The following CDC42BPA variants were observed in gnomAD, a reference collection of about 807,000 sequenced individuals.
CDC42BPA encodes the protein serine/threonine-protein kinase MRCK alpha.
A neutral mutation model predicts 223.5 loss-of-function variants in CDC42BPA; 80 were observed. That is an observed-to-expected ratio of 0.36 (90% CI 0.30 to 0.43). CDC42BPA has a LOEUF of 0.43. Ranked by LOEUF, CDC42BPA falls within the 20% of genes least tolerant of loss-of-function variation. The pLI, the probability that CDC42BPA is intolerant of heterozygous loss-of-function variation, is 1.00. For synonymous variants in CDC42BPA, 694 were observed against 718.6 expected, an observed-to-expected ratio of 0.97 and a Z score of 0.55; for missense variants, 1,743 against 2,099.9, an observed-to-expected ratio of 0.83 and a Z score of 3.32.
intron 2 of CDC42BPA, among the ~76,000 whole-genome samples, chr1:227,230,090 T>C (rs1014988149): frequency 6.6e-6 from 1 of 152,230 alleles, no homozygotes; most frequent in Admixed American, 6.5e-5. Context: ...TACTCTTTAC[T>C]GAAACCTGAA....
chr1:227,039,466 A>G (rs1430392630), intron 24 of CDC42BPA, among the ~76,000 whole-genome samples: 2 of 152,218 alleles, frequency 1.3e-5, no homozygotes, highest in Non-Finnish European at 2.9e-5. Context: ...TTAAAAAAAT[A>G]TATGTTCCAT....
At chr1:227,204,277 T>C (rs1387670616) in intron 3 of CDC42BPA, among the ~76,000 whole-genome samples, 1 of 152,230 alleles carries the variant, frequency 6.6e-6, no homozygotes, top group Admixed American at 6.5e-5. Flanking sequence ...ACATGAGATG[T>C]ATCATTTTTA....
At chr1:227,197,124 A>T (rs1350806311) in intron 4 of CDC42BPA, among the ~76,000 whole-genome samples, 2 of 152,220 alleles carry the variant, frequency 1.3e-5, no homozygotes, top group Non-Finnish European at 2.9e-5. Context: ...TATTTGCCAC[A>T]GCTTTCTAGA....
Position 227,047,943 on chromosome 1 carries a change from G to T in CDC42BPA, c.3077C>A (p.Thr1026Asn). The T allele has an allele frequency of 6.2e-7, 1 of 1,608,284 alleles. No individual in the cohort carries two copies. The highest frequency in any genetic ancestry group is 8.5e-7 in the Non-Finnish European group (1 of 1,175,226). ...ATTGAGTACCTTAGGTGGAAAGCCA[G>T]TTGAACCAGGACATCCTTTTTTCCT... ...TLRKKGCPGSTGFPPKRKTHQ... is the reference protein window; with the variant it reads ...TLRKKGCPGSNGFPPKRKTHQ... The change falls in exon 23 of 37, where the codon ACT becomes AAT. Residue 1026 changes from threonine to asparagine, a missense_variant. By Grantham distance (65) the Thr-to-Asn change is moderately conservative (BLOSUM62 0). This residue lies in a region of CDC42BPA where 678 missense variants were observed against 777.5 expected (regional missense o/e 0.87). Transcript: ENST00000366766.
intron 20 of CDC42BPA, 145 bp downstream of exon 20, chr1:227,072,063 T>C (rs1414293174): frequency 4.1e-6 from 2 of 486,488 alleles, no homozygotes; most frequent in African/African-American, 2.0e-5. Flanking sequence ...ATGCATCATA[T>C]ATACACACGT....
intron 6 of CDC42BPA, among the ~76,000 whole-genome samples, chr1:227,151,196 CTT>C (rs1158363104): frequency 6.6e-6 from 1 of 152,098 alleles, no homozygotes; most frequent in African/African-American, 2.4e-5. Flanking sequence ...CACCATTGTA[CTT>C]TGTTTCTTTG....
rs545848620 is a variant in CDC42BPA at position 227,175,878 on chromosome 1, C to A, written c.600-15242G>T. ...GGAAATCGTATGTGAGGACGATAAT[C>A]TGTCAATAGGGATGCTCACTGCTAC... On this transcript the variant is annotated intron_variant, in intron 5 of 36. Transcript: ENST00000366766. Among the ~76,000 whole-genome samples the A allele has an allele frequency of 2.0e-4, 30 of 152,296 alleles. No individual in the cohort carries two copies. The South Asian group carries it at 6.2e-3, about 32-fold the overall frequency.
chr1:227,007,078 G>GA (rs548153213), intron 34 of CDC42BPA, among the ~76,000 whole-genome samples: 141 of 151,854 alleles, frequency 9.3e-4, no homozygotes, highest in Non-Finnish European at 1.4e-3. Flanking sequence ...GAAATGCAAT[G>GA]AAAAAAAATC....
In CDC42BPA at chr1:226,993,705, A is replaced by C. The variant is rs973898017; in HGVS notation, c.*563T>G. Reference sequence around the variant, plus strand: ...CAAGAGGCTCCTTTTAAATATATACATTCAGTACTTCTACATTTATGTATT... The same window carrying C: ...CAAGAGGCTCCTTTTAAATATATACCTTCAGTACTTCTACATTTATGTATT... On this transcript the variant is annotated 3_prime_UTR_variant, in exon 37 of 37. Coordinates refer to ENST00000366766, the MANE Select transcript of CDC42BPA (RefSeq NM_001394014.1). 2 of 152,814 alleles carry C rather than the reference A, an allele frequency of 1.3e-5. No individual in the cohort carries two copies. The highest frequency in any genetic ancestry group is 4.8e-5 in the African/African-American group (2 of 41,448). 9.5% of individuals were successfully genotyped at this position (152,814 alleles called of 1,614,324 possible).
At chr1:227,129,530 TG>T (rs1656547842) in intron 10 of CDC42BPA, among the ~76,000 whole-genome samples, 2 of 151,646 alleles carry the variant, frequency 1.3e-5, no homozygotes, top group Admixed American at 6.6e-5. Flanking sequence ...TGGCAGGGCA[TG>T]GTGGCACATG....
At chr1:227,162,836 C>T (rs1225646194) in intron 5 of CDC42BPA, among the ~76,000 whole-genome samples, 1 of 127,406 alleles carries the variant, frequency 7.8e-6, no homozygotes, top group African/African-American at 3.5e-5. Flanking sequence ...AAACTGTCTC[C>T]AAAAGAAAAA....
intron 2 of CDC42BPA, among the ~76,000 whole-genome samples, chr1:227,252,102 T>C (rs1057330026): frequency 6.6e-6 from 1 of 151,984 alleles, no homozygotes; most frequent in South Asian, 2.1e-4. Flanking sequence ...TAGATATCAA[T>C]GCTATTTTGA....
At chr1:227,010,513 C>A (rs1664968327) in intron 34 of CDC42BPA, among the ~76,000 whole-genome samples, 1 of 152,088 alleles carries the variant, frequency 6.6e-6, no homozygotes, top group South Asian at 2.1e-4. Context: ...GGGTAAGGAG[C>A]TAAAAAATTC....
At chr1:227,252,292 T>C (rs1276255417) in intron 2 of CDC42BPA, among the ~76,000 whole-genome samples, 3 of 152,124 alleles carry the variant, frequency 2.0e-5, no homozygotes, top group African/African-American at 7.2e-5. Context: ...AAATGATCAA[T>C]ACAGTAACAA....
At chr1:227,308,275 C>G (rs150055310) in intron 1 of CDC42BPA, among the ~76,000 whole-genome samples, 1 of 152,104 alleles carries the variant, frequency 6.6e-6, no homozygotes, top group South Asian at 2.1e-4. Flanking sequence ...GGAGACCTAG[C>G]CCGGTGGATT....
chr1:227,239,380 G>A (rs771977636), intron 2 of CDC42BPA, among the ~76,000 whole-genome samples: 11 of 152,226 alleles, frequency 7.2e-5, no homozygotes, highest in East Asian at 5.8e-4. Context: ...CCCACTGAAC[G>A]TACAACATCA....
intron 1 of CDC42BPA, among the ~76,000 whole-genome samples, chr1:227,294,890 G>A (rs1380618243): frequency 8.6e-6 from 1 of 115,778 alleles, no homozygotes; most frequent in African/African-American, 3.0e-5. Flanking sequence ...AAAAAAAGAG[G>A]TTAATTAACT....
chr1:227,088,901 T>C (rs974210515), intron 16 of CDC42BPA, among the ~76,000 whole-genome samples: 1 of 152,088 alleles, frequency 6.6e-6, no homozygotes, highest in Admixed American at 6.5e-5. Context: ...AATTTTTGTA[T>C]TTTTAGTAGA....
chr1:227,049,883 C>T (rs140406116), intron 22 of CDC42BPA, among the ~76,000 whole-genome samples: 5 of 151,866 alleles, frequency 3.3e-5, no homozygotes, highest in Non-Finnish European at 5.9e-5. Flanking sequence ...AGGTCCTAAA[C>T]AAGTAAAAGC....
Sources: gnomAD v4.1 joint callset for allele counts (sites outside exome capture counted in the v4.1 genomes callset) on GRCh38, gnomAD v4.1.1 for gene constraint, gnomAD v4.1.1 regional missense constraint, MANE v1.5 for transcripts, NCBI Gene and HGNC (gene_info 2026-07-23, HGNC 2026-07-21) for gene names.